ZBTB11: variants seen among roughly 807,000 people sequenced by gnomAD.
The protein encoded by ZBTB11 is zinc finger and BTB domain containing 11.
Under a neutral mutation model 113.1 loss-of-function variants are expected in ZBTB11, and 68 were observed. That is an observed-to-expected ratio of 0.60 (90% confidence interval 0.49 to 0.74). The LOEUF (loss-of-function observed/expected upper bound fraction) is 0.74. ZBTB11 is among the 30% of genes least tolerant of loss of function. The pLI is 0.00. For synonymous variants in ZBTB11, 518 were observed against 452.6 expected, an observed-to-expected ratio of 1.14 and a Z score of -1.83; for missense variants, 1,104 against 1,279.4, an observed-to-expected ratio of 0.86 and a Z score of 2.09.
At chr3:101,666,390 G>A (rs1936996890) in intron 3 of ZBTB11, among the ~76,000 whole-genome samples, 1 of 152,212 alleles carries the variant, frequency 6.6e-6, no homozygotes. Flanking sequence ...TGCCACTGTA[G>A]CTGGAAAGCA....
intron 1 of ZBTB11, among the ~76,000 whole-genome samples, chr3:101,673,613 A>C (rs978227931): frequency 5.3e-5 from 8 of 151,836 alleles, no homozygotes; most frequent in Non-Finnish European, 1.2e-4. Flanking sequence ...TCCTGGGTTC[A>C]AGTGATACTC....
intron 2 of ZBTB11, 192 bp downstream of exon 2, chr3:101,671,786 A>G (rs897578331): frequency 3.3e-6 from 2 of 610,216 alleles, no homozygotes; most frequent in Non-Finnish European, 5.8e-6. Flanking sequence ...GTAATTATTA[A>G]GTTCATTCTG....
At chr3:101,651,719 T>C (rs753988114) in intron 10 of ZBTB11, 36 bp from the exon 11 acceptor site, 2 of 1,492,942 alleles carry the variant, frequency 1.3e-6, no homozygotes, top group East Asian at 4.6e-5. Flanking sequence ...TGTAGTGAGG[T>C]GCAAGCACCA....
intron 5 of ZBTB11, among the ~76,000 whole-genome samples, 199 bp downstream of exon 5, chr3:101,664,339 G>GT (rs1365597606): frequency 6.6e-6 from 1 of 152,096 alleles, no homozygotes; most frequent in Admixed American, 6.6e-5. Context: ...TCTTACTACG[G>GT]TATCAAGAGG....
chr3:101,657,677 A>G (rs1233492440), intron 6 of ZBTB11, among the ~76,000 whole-genome samples: 1 of 151,782 alleles, frequency 6.6e-6, no homozygotes, highest in East Asian at 1.9e-4. Context: ...GGAACAAAAA[A>G]GAGAAATATA....
At chr3:101,676,338 G>GC in intron 1 of ZBTB11, 1 of 354,764 alleles carries the variant, frequency 2.8e-6, no homozygotes, top group East Asian at 4.3e-5. Context: ...CAGGCGTCCG[G>GC]CCCCTCCCCG....
In ZBTB11 at chr3:101,671,355, T is replaced by C; in HGVS notation, c.553A>G (p.Thr185Ala). 2 of 1,613,392 alleles carry C rather than the reference T, an allele frequency of 1.2e-6. No homozygotes were observed. The highest frequency in any genetic ancestry group is 1.7e-4 in the Middle Eastern group (1 of 6,060). The part of the protein sequence containing the change: ...VSKHELVFVD[T>A]KGVVKRSSPK... ...GAAGAACGTTTTACCACTCCTTTGG[T>C]GTCAACCTGTCAAAATAAGTTTGAG... The change falls in exon 3 of 11, where the codon ACC becomes GCC. Residue 185 changes from threonine to alanine, a missense_variant. Transcript: ENST00000312938.
At chr3:101,666,552 G>A (rs937573124) in intron 3 of ZBTB11, among the ~76,000 whole-genome samples, 1 of 152,070 alleles carries the variant, frequency 6.6e-6, no homozygotes, top group Non-Finnish European at 1.5e-5. Flanking sequence ...ATTCTTCTGC[G>A]GGAAAACAAG....
chr3:101,662,920 T>C (rs1055304259), intron 5 of ZBTB11, among the ~76,000 whole-genome samples: 2 of 151,676 alleles, frequency 1.3e-5, no homozygotes, highest in South Asian at 2.1e-4. Context: ...TGTGCCACCA[T>C]GCCCAGATAA....
chr3:101,675,345 T>C lies in ZBTB11; in HGVS notation c.310+1260A>G, dbSNP rs116063514. 6.8e-3 allele frequency among the ~76,000 whole-genome samples: 1,034 copies of C among 152,364 alleles called. 8 individuals are homozygous for C. Among genetic ancestry groups the C allele is most frequent in the Non-Finnish European group, 9.1e-3 (618 of 68,034 alleles). On this transcript the variant is annotated intron_variant, in intron 1 of 10. Transcript: ENST00000312938. ...ATTTAATTCAGATATTGGTTTAAAG[T>C]GGAAAATAAATGGAAGAATTTGATT...
At chr3:101,654,618 G>C in intron 8 of ZBTB11, 86 bp downstream of exon 8, 1 of 1,161,722 alleles carries the variant, frequency 8.6e-7, no homozygotes, top group East Asian at 2.4e-5. Context: ...TGAAGTTACA[G>C]TTTAATATTA....
rs1936690769 is a variant in ZBTB11 at position 101,650,953 on chromosome 3, A to T, written c.*213T>A. On this transcript the variant is annotated 3_prime_UTR_variant, in exon 11 of 11. Transcript: ENST00000312938. ...AGGTTGGTGCAAAAGCAATTGCACC[A>T]ACCTAATAGATCTGTTTTCAATTTC... The T allele has an allele frequency of 4.7e-6, 2 of 423,760 alleles. No individual in the cohort carries two copies. Among genetic ancestry groups the T allele is most frequent in the Non-Finnish European group, 8.3e-6 (2 of 242,256 alleles). The allele number at this position is 423,760 out of a possible 1,614,324, so 26.2% of individuals were successfully genotyped here.
chr3:101,662,616 AAAAC>A lies in ZBTB11; in HGVS notation c.1800+1918_1800+1921del, dbSNP rs542434928. 1.7e-3 allele frequency among the ~76,000 whole-genome samples: 258 copies of A among 152,322 alleles called. 1 individual carries two copies. Among genetic ancestry groups the A allele is most frequent in the African/African-American group, 3.3e-3 (136 of 41,574 alleles). On this transcript the variant is annotated intron_variant, in intron 5 of 10. Transcript: ENST00000312938. ...ACACAACTCCGTCTCCAGAAAAACAAAAACAAACAAACAAACAAAAAAACCCCAC... is the reference window on the plus strand; with the variant it reads ...ACACAACTCCGTCTCCAGAAAAACAAAAACAAACAAACAAAAAAACCCCAC...
rs765511899 is a variant in ZBTB11, at chr3:101,672,069, G to C, written c.455C>G (p.Ser152Trp). ...DLESGEESNE[S>W]EDDLSNFTSS... ...AGTAAAGTTGCTCAGGTCATCTTCC[G>C]ATTCATTACTTTCTTCTCCAGATTC... Residue 152 changes from serine to tryptophan, a missense_variant, in exon 2 of 11, where the codon TCG becomes TGG. By Grantham distance (177) the Ser-to-Trp change is radical. This residue lies in a region of ZBTB11 where 245 missense variants were observed against 272.5 expected (regional missense o/e 0.90). Transcript: ENST00000312938. 1.9e-6 allele frequency: 3 copies of C among 1,614,106 alleles called. No homozygotes were observed. The South Asian group carries it at 3.3e-5, about 18-fold the overall frequency.
At position 101,653,991 on chromosome 3, in the gene ZBTB11, T is replaced by A. The variant is rs148308806; in HGVS notation, c.2309+713A>T. Among the ~76,000 whole-genome samples the A allele has an allele frequency of 5.8e-3, 880 of 152,144 alleles. 13 individuals are homozygous for A. The highest frequency in any genetic ancestry group is 0.021 in the African/African-American group (853 of 41,508). Reference sequence around the variant, plus strand: ...CGATCCTCCCACCTGTCTCCAAAAGTGCTGGAATTACAGGCATGAGCCACT... The same window carrying A: ...CGATCCTCCCACCTGTCTCCAAAAGAGCTGGAATTACAGGCATGAGCCACT... On this transcript the variant is annotated intron_variant, in intron 8 of 10. Transcript: ENST00000312938.
intron 8 of ZBTB11, among the ~76,000 whole-genome samples, chr3:101,653,428 T>C (rs571404185): frequency 6.6e-6 from 1 of 152,234 alleles, no homozygotes; most frequent in South Asian, 2.1e-4. Context: ...GTTTGACAAT[T>C]TGGAATTTGA....
chr3:101,654,518 G>T (rs1936760829), intron 8 of ZBTB11, among the ~76,000 whole-genome samples, 186 bp downstream of exon 8: 2 of 152,104 alleles, frequency 1.3e-5, no homozygotes, highest in Non-Finnish European at 2.9e-5. Flanking sequence ...TTAAATGAGT[G>T]ATTTGTATGG....
intron 1 of ZBTB11, among the ~76,000 whole-genome samples, chr3:101,672,933 A>T (rs925910774): frequency 6.6e-6 from 1 of 152,252 alleles, no homozygotes; most frequent in African/African-American, 2.4e-5. Flanking sequence ...TGTTGTTCTT[A>T]AACCTGAATT....
intron 3 of ZBTB11, among the ~76,000 whole-genome samples, chr3:101,669,253 C>T (rs542601535): frequency 3.9e-5 from 6 of 152,290 alleles, no homozygotes; most frequent in Admixed American, 2.0e-4. Context: ...GGGATGGTCT[C>T]GAACTTCTGA....
Sources: allele counts gnomAD v4.1 joint callset (sites outside exome capture counted in the v4.1 genomes callset), GRCh38; gene constraint gnomAD v4.1.1; regional missense constraint gnomAD v4.1.1; transcripts MANE v1.5; gene names NCBI Gene and HGNC (gene_info 2026-07-23, HGNC 2026-07-21).